ZBTB17: variants seen among roughly 807,000 people sequenced by gnomAD.
ZBTB17 encodes zinc finger and BTB domain containing 17.
Under a neutral mutation model 85.1 loss-of-function variants are expected in ZBTB17, and 24 were observed. The ratio of observed to expected loss-of-function variants is 0.28; its 90% CI spans 0.20 to 0.40. The LOEUF (loss-of-function observed/expected upper bound fraction) is 0.40. Among genes scored for constraint, ZBTB17 ranks in the 10% least tolerant of loss-of-function variants. The pLI is 1.00. For synonymous variants in ZBTB17, 464 were observed against 460.2 expected (o/e 1.01, Z -0.11); for missense variants, 743 against 1,105.1 (o/e 0.67, Z 4.65).
intron 2 of ZBTB17, among the ~76,000 whole-genome samples, chr1:15,962,208 GAATAAAATAAAA>G (rs1172255100): frequency 6.6e-6 from 1 of 151,334 alleles, no homozygotes; most frequent in Non-Finnish European, 1.5e-5. Context: ...ACCTTATCTT[GAATAAAATAAAA>G]AATAAAATAA....
chr1:15,946,047 A>G, intron 5 of ZBTB17, 107 bp downstream of exon 5: 1 of 1,569,060 alleles, frequency 6.4e-7, no homozygotes, highest in African/African-American at 1.3e-5. Context: ...CAGGCTCAAG[A>G]GGTGCAGGTG....
At chr1:15,968,313 A>T (rs893826924) in intron 2 of ZBTB17, among the ~76,000 whole-genome samples, 2 of 152,146 alleles carry the variant, frequency 1.3e-5, no homozygotes, top group Non-Finnish European at 2.9e-5. Flanking sequence ...TCCTCAGCCA[A>T]TCAAGGCTGA....
Position 15,946,221 on chromosome 1 carries a change from G to A in ZBTB17, c.468C>T (p.Ser156=). The part of the protein sequence containing the change: ...TLSRLEQAGR[S]TPIGPSRDLK... The stretch of plus-strand genomic sequence containing the variant: ...GGTCCCTGCTGGGGCCTATGGGTGT[G>A]CTGCGTCCTGCCTGCTCCAGCCTGC... The change falls in exon 5 of 16, where the codon AGC becomes AGT. Residue 156 remains serine (S), a synonymous_variant. Transcript: ENST00000375743. The A allele has an allele frequency of 1.2e-6, 2 of 1,613,494 alleles. No individual in the cohort carries two copies. Among genetic ancestry groups the A allele is most frequent in the Non-Finnish European group, 1.7e-6 (2 of 1,180,022 alleles).
intron 2 of ZBTB17, among the ~76,000 whole-genome samples, chr1:15,972,022 AC>A (rs759562656): frequency 9.2e-5 from 14 of 152,134 alleles, no homozygotes; most frequent in Non-Finnish European, 1.8e-4. Flanking sequence ...GGGGAATTTT[AC>A]AGTGATCAGT....
At chr1:15,963,768 T>C (rs910328916) in intron 2 of ZBTB17, among the ~76,000 whole-genome samples, 4 of 152,086 alleles carry the variant, frequency 2.6e-5, no homozygotes, top group African/African-American at 9.7e-5. Context: ...AGTATATATA[T>C]AAGTGAGCAA....
intron 2 of ZBTB17, chr1:15,969,801 TC>T: frequency 1.9e-6 from 1 of 530,684 alleles, no homozygotes; most frequent in South Asian, 1.6e-5. Flanking sequence ...TGTGCATCCC[TC>T]CCCAGCTTCC....
intron 2 of ZBTB17, among the ~76,000 whole-genome samples, chr1:15,959,482 A>G (rs1328188885): frequency 7.5e-6 from 1 of 132,692 alleles, no homozygotes; most frequent in African/African-American, 2.7e-5. Context: ...AGAGAAAAAG[A>G]GGAGGGAAGG....
intron 2 of ZBTB17, among the ~76,000 whole-genome samples, chr1:15,965,054 C>CA (rs1211062315): frequency 6.7e-6 from 1 of 150,074 alleles, no homozygotes; most frequent in African/African-American, 2.5e-5. Context: ...GCGGAGTTTG[C>CA]AGTGAGCTGA....
intron 1 of ZBTB17, 123 bp downstream of exon 1, chr1:15,975,860 C>A (rs1321639693): frequency 2.7e-6 from 1 of 367,848 alleles, no homozygotes; most frequent in Non-Finnish European, 5.5e-6. Context: ...CGGTTGGCGT[C>A]CCATTCCACT....
intron 9 of ZBTB17, 196 bp downstream of exon 9, chr1:15,944,104 A>G (rs1447028812): frequency 9.8e-7 from 1 of 1,023,252 alleles, no homozygotes; most frequent in Admixed American, 2.0e-5. Context: ...CCCCGCCCTG[A>G]GTCGGCCTGC....
At chr1:15,944,190 G>T in intron 9 of ZBTB17, 110 bp downstream of exon 9, 1 of 1,429,406 alleles carries the variant, frequency 7.0e-7, no homozygotes, top group Non-Finnish European at 9.5e-7. Context: ...ACAAGCTGAT[G>T]AGCTCCTGGA....
In ZBTB17 at chr1:15,951,324, AGAGGGAGG is replaced by A. The variant is rs113620578; in HGVS notation, c.-2-2835_-2-2828del. ...GAGAAGAAGGAAGGAAGGAAGGGAG[AGAGGGAGG>A]GAGGGAGGGGCCCTGTACCCACAGA... On this transcript the variant is annotated intron_variant, in intron 2 of 15. Transcript: ENST00000375743. This position sits in a 1 kb window ranked among gnomAD's most constrained non-coding sequence, Gnocchi z 4.1. Among the ~76,000 whole-genome samples, 5,303 of 138,902 alleles carry A rather than the reference AGAGGGAGG, an allele frequency of 0.038. 304 individuals are homozygous for A. Among genetic ancestry groups the A allele is most frequent in the African/African-American group, 0.13 (4,973 of 38,272 alleles). The allele number at this position is 138,902 out of a possible 152,430, so 91.1% of individuals were successfully genotyped here. A position where few individuals can be genotyped will look rare whatever the true frequency, so the allele number is the denominator to read the frequency against.
chr1:15,961,490 T>A (rs2072255950), intron 2 of ZBTB17, among the ~76,000 whole-genome samples: 1 of 152,236 alleles, frequency 6.6e-6, no homozygotes, highest in Non-Finnish European at 1.5e-5. Flanking sequence ...AAGTTGGGCC[T>A]GGATAATCAG....
rs1334367810 is a variant in ZBTB17, at chr1:15,971,256, C to A, written c.-3+1783G>T. On this transcript the variant is annotated intron_variant, in intron 2 of 15. Transcript: ENST00000375743. ...TTCTGTGTGTATGAAAAAAAAAAAT[C>A]AAACACTAAGACACATGTTTTGGGT... 4.7e-5 allele frequency among the ~76,000 whole-genome samples: 7 copies of A among 149,800 alleles called. No homozygotes were observed. The East Asian group carries it at 1.4e-3, about 29-fold the overall frequency.
chr1:15,947,560 G>A (rs577384176), intron 3 of ZBTB17, among the ~76,000 whole-genome samples: 1 of 152,280 alleles, frequency 6.6e-6, no homozygotes, highest in South Asian at 2.1e-4. Flanking sequence ...AGGGAGGACA[G>A]AGTGTGAATG....
In ZBTB17 at chr1:15,947,032, G is replaced by A. The variant is rs1349085720; in HGVS notation, c.297C>T (p.Leu99=). Residue 99 remains leucine (L), a synonymous_variant, in exon 4 of 16, where the codon CTC becomes CTT. Transcript: ENST00000375743. ...VDDVLAVATF[L]QMQDIITACH... ...AGGCCGTGATGATGTCCTGCATTTG[G>A]AGGAAAGTGGCCACGGCCAGCACAT... 2 of 1,614,012 alleles carry A rather than the reference G, an allele frequency of 1.2e-6. No homozygotes were observed. The highest frequency in any genetic ancestry group is 2.2e-5 in the East Asian group (1 of 44,902).
At chr1:15,965,240 A>G (rs950081507) in intron 2 of ZBTB17, among the ~76,000 whole-genome samples, 1 of 152,178 alleles carries the variant, frequency 6.6e-6, no homozygotes, top group African/African-American at 2.4e-5. Flanking sequence ...TAGTATCCAA[A>G]ATAAGAAATA....
At chr1:15,961,736 T>A (rs924216946) in intron 2 of ZBTB17, among the ~76,000 whole-genome samples, 1 of 152,134 alleles carries the variant, frequency 6.6e-6, no homozygotes, top group African/African-American at 2.4e-5. Flanking sequence ...AAGTGCAAAC[T>A]TCTGAGAGAA....
At chr1:15,959,501 A>T (rs545144866) in intron 2 of ZBTB17, among the ~76,000 whole-genome samples, 1 of 112,776 alleles carries the variant, frequency 8.9e-6, no homozygotes, top group Non-Finnish European at 1.8e-5. Context: ...GGGAAGGAAG[A>T]GGGAGGAGAG....
Sources: allele counts gnomAD v4.1 joint callset (sites outside exome capture counted in the v4.1 genomes callset), GRCh38; gene constraint gnomAD v4.1.1; non-coding constraint Gnocchi (gnomAD v3.1); transcripts MANE v1.5; gene names NCBI Gene and HGNC (gene_info 2026-07-23, HGNC 2026-07-21).